DGKB: variants seen among roughly 807,000 people sequenced by gnomAD.
DGKB encodes the protein 90 kDa diacylglycerol kinase.
In DGKB, 67 loss-of-function variants were observed where a neutral mutation model predicts 114.3. That is an observed-to-expected ratio of 0.59 (90% confidence interval 0.48 to 0.72). The LOEUF (loss-of-function observed/expected upper bound fraction) is 0.72, where lower values mean the gene tolerates loss of function less well. DGKB is among the 30% of genes least tolerant of loss of function. The probability of loss-of-function intolerance (pLI) is 0.00; values close to 1 mark genes in which losing one functional copy is unlikely to be tolerated. For synonymous variants in DGKB, 398 were observed against 323.1 expected, an observed-to-expected ratio of 1.23 and a Z score of -2.49; for missense variants, 907 against 975.2, an observed-to-expected ratio of 0.93 and a Z score of 0.93.
intron 2 of DGKB, among the ~76,000 whole-genome samples, chr7:14,818,532 C>T (rs1844479628): frequency 6.6e-6 from 1 of 152,058 alleles, no homozygotes; most frequent in African/African-American, 2.4e-5. Context: ...CCTATTGCCA[C>T]AGTATCCAAA....
At chr7:14,642,221 A>G (rs990643774) in intron 13 of DGKB, among the ~76,000 whole-genome samples, 4 of 152,084 alleles carry the variant, frequency 2.6e-5, no homozygotes, top group African/African-American at 9.7e-5. Context: ...CTTTCAAGTC[A>G]GTGCATTATA....
At chr7:14,948,233 T>C (rs977833403) in intron 1 of DGKB, among the ~76,000 whole-genome samples, 5 of 151,834 alleles carry the variant, frequency 3.3e-5, no homozygotes, top group Non-Finnish European at 7.4e-5. Flanking sequence ...TTATTTTAAC[T>C]TTATTTATTA....
Position 14,177,554 on chromosome 7 carries a change from C to CAA in DGKB, c.2243+475_2243+476dup, listed in dbSNP as rs56019837. On this transcript the variant is annotated intron_variant, in intron 24 of 25. Coordinates refer to ENST00000402815, the MANE Select transcript of DGKB (RefSeq NM_001350709.2). ...GGGCAACAAGAGTGAAACTCCGTCT[C>CAA]AAAAAAAAAAAAAAAAAAAAAAAAA... Among the ~76,000 whole-genome samples the CAA allele has an allele frequency of 4.7e-3, 326 of 69,028 alleles. 6 individuals carry two copies. The highest frequency in any genetic ancestry group is 0.016 in the African/African-American group (297 of 18,552). 45.3% of individuals were successfully genotyped at this position (69,028 alleles called of 152,430 possible).
intron 20 of DGKB, among the ~76,000 whole-genome samples, chr7:14,545,986 G>A (rs566294708): frequency 3.3e-5 from 5 of 152,148 alleles, no homozygotes; most frequent in South Asian, 2.1e-4. Flanking sequence ...ATTGGCTGTC[G>A]TGTAGAGATT....
intron 23 of DGKB, among the ~76,000 whole-genome samples, chr7:14,269,450 C>T (rs1797970135): frequency 6.6e-6 from 1 of 152,108 alleles, no homozygotes; most frequent in Non-Finnish European, 1.5e-5. Context: ...CTGTTTGGTT[C>T]TGAATTAGAG....
At chr7:14,400,189 T>C (rs1382988472) in intron 21 of DGKB, among the ~76,000 whole-genome samples, 1 of 151,848 alleles carries the variant, frequency 6.6e-6, no homozygotes, top group African/African-American at 2.4e-5. Context: ...TTTCATTTCC[T>C]TGTGACTCTC....
intron 21 of DGKB, among the ~76,000 whole-genome samples, chr7:14,365,296 A>G (rs1816477093): frequency 1.3e-5 from 2 of 152,046 alleles, no homozygotes; most frequent in South Asian, 4.1e-4. Context: ...TTTGTACCAG[A>G]ATTTGTCTTC....
rs181653878 is a variant in DGKB at position 14,253,970 on chromosome 7, A to G, written c.2123-75819T>C. Among the ~76,000 whole-genome samples, 140 of 152,350 alleles carry G rather than the reference A, an allele frequency of 9.2e-4. 1 individual carries two copies. The highest frequency in any genetic ancestry group is 3.4e-3 in the Middle Eastern group (1 of 294). On this transcript the variant is annotated intron_variant, in intron 23 of 25. Transcript: ENST00000402815. ...GTTATGTGTTATTTATAACTGTCCA[A>G]TGCAACTAATAAACATTTCCCTGAC... is the stretch of plus-strand genomic sequence containing the variant.
intron 17 of DGKB, among the ~76,000 whole-genome samples, chr7:14,589,431 A>T (rs1240867375): frequency 1.3e-5 from 2 of 151,998 alleles, no homozygotes; most frequent in Non-Finnish European, 2.9e-5. Context: ...GTTGAATAGG[A>T]GTATTCATAG....
At chr7:14,505,726 T>C (rs1786937653) in intron 20 of DGKB, among the ~76,000 whole-genome samples, 1 of 152,178 alleles carries the variant, frequency 6.6e-6, no homozygotes, top group Non-Finnish European at 1.5e-5. Context: ...CTCAAGAAGA[T>C]ATGGAAGTAG....
chr7:14,149,195 G>A lies in DGKB; in HGVS notation c.2348C>T (p.Pro783Leu), dbSNP rs1239237069. ...GCAGAATAAACCGGTTTTTGGAGGC[G>A]GGCCCATCAGCATTGGGGCTTGGTT... ...HKNQAPMLMG[P>L]PPKTGLFCSL... Residue 783 changes from proline to leucine, a missense_variant, in exon 26 of 26, where the codon CCG becomes CTG. This residue lies in a region of DGKB where 58 missense variants were observed against 52.5 expected (regional missense o/e 1.10). Coordinates refer to ENST00000402815, the MANE Select transcript of DGKB (RefSeq NM_001350709.2). 1.2e-6 allele frequency: 2 copies of A among 1,613,294 alleles called. No individual in the cohort carries two copies. The highest frequency in any genetic ancestry group is 1.7e-6 in the Non-Finnish European group (2 of 1,179,558).
chr7:14,257,837 C>T (rs1263705596), intron 23 of DGKB, among the ~76,000 whole-genome samples: 1 of 152,144 alleles, frequency 6.6e-6, no homozygotes, highest in Non-Finnish European at 1.5e-5. Flanking sequence ...AGCAATTCTC[C>T]TGTCTCAGCC....
chr7:14,885,416 G>T (rs1040160951), intron 1 of DGKB, among the ~76,000 whole-genome samples: 3 of 151,904 alleles, frequency 2.0e-5, no homozygotes, highest in Non-Finnish European at 4.4e-5. Context: ...GGTTGGGAGA[G>T]AAAGCAATGT....
chr7:14,821,254 T>C (rs1383409633), intron 2 of DGKB, among the ~76,000 whole-genome samples: 1 of 152,204 alleles, frequency 6.6e-6, no homozygotes, highest in African/African-American at 2.4e-5. Flanking sequence ...ATTTGACCCA[T>C]ACTTATTGAG....
At chr7:14,320,876 C>T (rs1807641858) in intron 23 of DGKB, among the ~76,000 whole-genome samples, 1 of 152,044 alleles carries the variant, frequency 6.6e-6, no homozygotes, top group South Asian at 2.1e-4. Context: ...TGACCATTCT[C>T]ATGAACATAG....
At chr7:14,446,648 C>T (rs1830760211) in intron 21 of DGKB, among the ~76,000 whole-genome samples, 1 of 152,126 alleles carries the variant, frequency 6.6e-6, no homozygotes, top group African/African-American at 2.4e-5. Context: ...TCTAAGTTTT[C>T]CTCTTACTTA....
At chr7:14,800,953 C>T (rs1455584058) in intron 2 of DGKB, among the ~76,000 whole-genome samples, 1 of 152,116 alleles carries the variant, frequency 6.6e-6, no homozygotes, top group East Asian at 1.9e-4. Flanking sequence ...GAGAATACAG[C>T]ATGAGTAGCA....
chr7:14,912,123 C>G (rs1314983952), intron 1 of DGKB, among the ~76,000 whole-genome samples: 1 of 152,010 alleles, frequency 6.6e-6, no homozygotes, highest in Non-Finnish European at 1.5e-5. Context: ...GTTTCCAAGG[C>G]CAAGTGGACA....
intron 23 of DGKB, among the ~76,000 whole-genome samples, chr7:14,285,806 A>C (rs1425794773): frequency 6.6e-6 from 1 of 152,204 alleles, no homozygotes; most frequent in Non-Finnish European, 1.5e-5. Context: ...ATCCATATTT[A>C]GCATATTTGA....
Sources: allele counts gnomAD v4.1 joint callset (sites outside exome capture counted in the v4.1 genomes callset), GRCh38; gene constraint gnomAD v4.1.1; regional missense constraint gnomAD v4.1.1; transcripts MANE v1.5; gene names NCBI Gene and HGNC (gene_info 2026-07-23, HGNC 2026-07-21).